Variants in ALOX12B observed in about 807,000 individuals in gnomAD.
ALOX12B encodes arachidonate 12-lipoxygenase, 12R type, also known as arachidonate 12-lipoxygenase, 12R-type.
A neutral mutation model predicts 78.9 loss-of-function variants in ALOX12B; 47 were observed. That is an observed-to-expected ratio of 0.60 (90% CI 0.47 to 0.76). The LOEUF (loss-of-function observed/expected upper bound fraction) is 0.76, where lower values mean the gene tolerates loss of function less well. Among genes scored for constraint, ALOX12B ranks in the 30% least tolerant of loss-of-function variants. The probability of loss-of-function intolerance (pLI) is 0.00; values close to 1 mark genes in which losing one functional copy is unlikely to be tolerated. For missense variants in ALOX12B, 805 were observed against 922.6 expected (o/e 0.87, Z 1.65); for synonymous variants, 370 against 374.5 (o/e 0.99, Z 0.14).
chr17:8,072,768 C>G lies in ALOX12B; in HGVS notation c.*3G>C. 6.2e-7 allele frequency: 1 copy of G among 1,614,216 alleles called. No homozygotes were observed. The highest frequency in any genetic ancestry group is 1.1e-5 in the South Asian group (1 of 91,086). Reference sequence around the variant, plus strand: ...GGGGAGAGGAGAGACGGGAAGCGCGCTCCTAAATAGAAATGCTGTTCTCAA... The same window carrying G: ...GGGGAGAGGAGAGACGGGAAGCGCGGTCCTAAATAGAAATGCTGTTCTCAA... On this transcript the variant is annotated 3_prime_UTR_variant, in exon 15 of 15. Transcript: ENST00000647874.
rs933038014 is a variant in ALOX12B at position 8,079,764 on chromosome 17, C to G, written c.927+5G>C. On this transcript the variant is annotated splice_donor_5th_base_variant and intron_variant, in intron 7 of 14. Transcript: ENST00000647874. The surrounding 1 kb of genome is among the most constrained non-coding windows in gnomAD (Gnocchi z 6.4). ...GGCCGGGGTCTCCGCCGGAGCGGGC[C>G]TCACCTCCAGCTCCGCTTGCAAGCA... 1.2e-6 allele frequency: 2 copies of G among 1,611,054 alleles called. No homozygotes were observed. The highest frequency in any genetic ancestry group is 1.7e-6 in the Non-Finnish European group (2 of 1,179,312).
At chr17:8,078,462 C>G (rs1977135272) in intron 8 of ALOX12B, among the ~76,000 whole-genome samples, 1 of 151,496 alleles carries the variant, frequency 6.6e-6, no homozygotes, top group Non-Finnish European at 1.5e-5. Context: ...GAGAGCGGGC[C>G]TAGAGAGGAT....
chr17:8,086,742 C>T (rs1223746366), intron 1 of ALOX12B, among the ~76,000 whole-genome samples: 2 of 152,160 alleles, frequency 1.3e-5, no homozygotes, highest in African/African-American at 4.8e-5. Context: ...GGTCTGATGC[C>T]ATTTTAAGTC....
chr17:8,086,029 G>A lies in ALOX12B; in HGVS notation c.339C>T (p.Leu113=), dbSNP rs1469406795. 6.2e-7 allele frequency: 1 copy of A among 1,614,062 alleles called. No homozygotes were observed. Among genetic ancestry groups the A allele is most frequent in the African/African-American group, 1.3e-5 (1 of 74,948 alleles). ...ATGAGGGCTTACCTGTGGCCTCCCGGAGTGCCAGGGTCTCGTAGCCATCCA... is the reference window on the plus strand; with the variant it reads ...ATGAGGGCTTACCTGTGGCCTCCCGAAGTGCCAGGGTCTCGTAGCCATCCA... ...QWMDGYETLA[L]REATGKTTAD... The change falls in exon 2 of 15, where the codon CTC becomes CTT. Residue 113 remains leucine (L), a synonymous_variant. Coordinates refer to ENST00000647874, the MANE Select transcript of ALOX12B (RefSeq NM_001139.3).
intron 11 of ALOX12B, among the ~76,000 whole-genome samples, 177 bp downstream of exon 11, chr17:8,075,998 G>A (rs928781263): frequency 1.3e-5 from 2 of 152,096 alleles, no homozygotes; most frequent in Admixed American, 6.5e-5. Flanking sequence ...AGCAAGGAAG[G>A]GGCCTGCTGG....
chr17:8,084,962 C>A (rs1282822236), intron 2 of ALOX12B, among the ~76,000 whole-genome samples: 1 of 152,214 alleles, frequency 6.6e-6, no homozygotes, highest in African/African-American at 2.4e-5. Flanking sequence ...CTATGTCTCT[C>A]CCATGGGAGT....
rs758255070 is a variant in ALOX12B at position 8,072,894 on chromosome 17, G to T, written c.1983C>A (p.Ser661Arg). The T allele has an allele frequency of 1.2e-6, 2 of 1,614,152 alleles. No individual in the cohort carries two copies. The highest frequency in any genetic ancestry group is 1.1e-5 in the South Asian group (1 of 91,082). The part of the protein sequence containing the change: ...IHFVEEAPRR[S>R]IEAFRQRLNQ... ...TCAGGCGCTGGCGGAACGCCTCTAT[G>T]CTCCTCCGCGGGGCCTCCTCCACGA... The change falls in exon 15 of 15, where the codon AGC becomes AGA. Residue 661 changes from serine (S) to arginine (R), a missense_variant. Transcript: ENST00000647874.
chr17:8,083,188 GAT>G (rs1978289356), intron 2 of ALOX12B, among the ~76,000 whole-genome samples: 4 of 151,858 alleles, frequency 2.6e-5, no homozygotes. Flanking sequence ...TATAGATGAA[GAT>G]ATATATGTAT....
intron 8 of ALOX12B, among the ~76,000 whole-genome samples, chr17:8,078,503 G>GCC (rs1977136495): frequency 6.6e-6 from 1 of 151,854 alleles, no homozygotes; most frequent in Non-Finnish European, 1.5e-5. Context: ...GGGCGAGGTG[G>GCC]CTCACGCCTG....
Position 8,087,588 on chromosome 17 carries a change from G to A in ALOX12B, c.-146C>T, listed in dbSNP as rs959019920. On this transcript the variant is annotated 5_prime_UTR_variant, in exon 1 of 15. Coordinates refer to ENST00000647874, the MANE Select transcript of ALOX12B (RefSeq NM_001139.3). ...AGGTGCAGTGGTGAGGTGGCGAGGT[G>A]GGGTGACTAGGCCTGCCAGCCAAAT... is the stretch of plus-strand genomic sequence containing the variant. The A allele has an allele frequency of 1.3e-5, 18 of 1,369,182 alleles. No individual in the cohort carries two copies. The highest frequency in any genetic ancestry group is 2.3e-4 in the Middle Eastern group (1 of 4,278). The allele number at this position is 1,369,182 out of a possible 1,614,324, so 84.8% of individuals were successfully genotyped here. A position where few individuals can be genotyped will look rare whatever the true frequency, so the allele number is the denominator to read the frequency against.
chr17:8,083,005 T>G (rs1978289096), intron 2 of ALOX12B, among the ~76,000 whole-genome samples: 1 of 152,166 alleles, frequency 6.6e-6, no homozygotes, highest in Non-Finnish European at 1.5e-5. Flanking sequence ...CCACAACAAA[T>G]TCATTGGTTG....
Position 8,079,256 on chromosome 17 carries a change from G to A in ALOX12B, c.1071+140C>T. 7.7e-7 allele frequency: 1 copy of A among 1,300,128 alleles called. No homozygotes were observed. Among genetic ancestry groups the A allele is most frequent in the Non-Finnish European group, 1.0e-6 (1 of 968,166 alleles). 80.5% of individuals were successfully genotyped at this position (1,300,128 alleles called of 1,614,324 possible). The stretch of plus-strand genomic sequence containing the variant: ...CTGCAGATTTTGGCATCCCGGGGAG[G>A]TCCTGGAACCAATCTCTCAAGGATA... On this transcript the variant is annotated intron_variant, in intron 8 of 14. Transcript: ENST00000647874. The surrounding 1 kb of genome is among the most constrained non-coding windows in gnomAD (Gnocchi z 6.4).
Position 8,079,600 on chromosome 17 carries a change from CCG to C in ALOX12B, c.928-63_928-62del. 6.5e-7 allele frequency: 1 copy of C among 1,544,050 alleles called. No homozygotes were observed. The highest frequency in any genetic ancestry group is 1.2e-5 in the South Asian group (1 of 83,564). ...CCACACGGGAAGCCCGTGACCCGCGCCGCAGGTGCACAGGGCGCTGGCGACTA... is the reference window on the plus strand; with the variant it reads ...CCACACGGGAAGCCCGTGACCCGCGCCAGGTGCACAGGGCGCTGGCGACTA... On this transcript the variant is annotated intron_variant, in intron 7 of 14. Transcript: ENST00000647874. This position sits in a 1 kb window ranked among gnomAD's most constrained non-coding sequence, Gnocchi z 6.4.
Position 8,076,758 on chromosome 17 carries a change from A to C in ALOX12B, c.1276-15T>G. On this transcript the variant is annotated splice_polypyrimidine_tract_variant and intron_variant, in intron 9 of 14. Coordinates refer to ENST00000647874, the MANE Select transcript of ALOX12B (RefSeq NM_001139.3). ...GGGATGAGGAGCTGTGGGGAGAGCA[A>C]GGAGGATGAAGAGAGAGGGCTGAAG... 1 of 1,549,104 alleles carries C rather than the reference A, an allele frequency of 6.5e-7. No individual in the cohort carries two copies. The highest frequency in any genetic ancestry group is 1.2e-5 in the South Asian group (1 of 83,978).
intron 1 of ALOX12B, 32 bp downstream of exon 1, chr17:8,087,264 A>G (rs1978304054): frequency 6.6e-7 from 1 of 1,505,558 alleles, no homozygotes; most frequent in South Asian, 1.4e-5. Flanking sequence ...ACACAGACAC[A>G]CACACACACA....
At position 8,079,589 on chromosome 17, in the gene ALOX12B, C is replaced by A; in HGVS notation, c.928-50G>T. On this transcript the variant is annotated intron_variant, in intron 7 of 14. Coordinates refer to ENST00000647874, the MANE Select transcript of ALOX12B (RefSeq NM_001139.3). This position sits in a 1 kb window ranked among gnomAD's most constrained non-coding sequence, Gnocchi z 6.4. ...CAAGTAGGCACCCACACGGGAAGCC[C>A]GTGACCCGCGCCGCAGGTGCACAGG... The A allele has an allele frequency of 1.3e-6, 2 of 1,545,700 alleles. No homozygotes were observed. The highest frequency in any genetic ancestry group is 1.7e-6 in the Non-Finnish European group (2 of 1,144,394).
rs1064796312 is a variant in ALOX12B at position 8,076,209 on chromosome 17, C to G, written c.1498G>C (p.Asp500His). The change falls in exon 11 of 15, where the codon GAT (aspartate) becomes CAT (histidine). Residue 500 changes from aspartate to histidine, a missense_variant. Transcript: ENST00000647874. ...VQDLPGYYYR[D>H]DSLAVWNALE... Reference sequence around the variant, plus strand: ...GCATTCCACACCGCCAAGCTGTCATCGCGGTAGTAATATCCAGGCAGGTCC... The same window carrying G: ...GCATTCCACACCGCCAAGCTGTCATGGCGGTAGTAATATCCAGGCAGGTCC... The G allele has an allele frequency of 2.5e-6, 4 of 1,614,142 alleles. No homozygotes were observed. The highest frequency in any genetic ancestry group is 3.4e-6 in the Non-Finnish European group (4 of 1,180,028).
intron 2 of ALOX12B, among the ~76,000 whole-genome samples, chr17:8,085,182 A>G (rs992778298): frequency 1.6e-4 from 24 of 152,200 alleles, no homozygotes; most frequent in Non-Finnish European, 4.4e-5. Flanking sequence ...ACATCCCATC[A>G]GTCTAAAAAA....
At chr17:8,077,383 C>G (rs1977110323) in intron 8 of ALOX12B, among the ~76,000 whole-genome samples, 190 bp from the exon 9 acceptor site, 1 of 152,214 alleles carries the variant, frequency 6.6e-6, no homozygotes, top group African/African-American at 2.4e-5. Flanking sequence ...TCCTTCTGCT[C>G]AACTGCAGTA....
Sources: allele counts gnomAD v4.1 joint callset (sites outside exome capture counted in the v4.1 genomes callset), GRCh38; gene constraint gnomAD v4.1.1; non-coding constraint Gnocchi (gnomAD v3.1); transcripts MANE v1.5; gene names NCBI Gene and HGNC (gene_info 2026-07-23, HGNC 2026-07-21).